PTPRG: variants seen among roughly 807,000 people sequenced by gnomAD.
PTPRG encodes protein tyrosine phosphatase receptor type G.
A neutral mutation model predicts 165.3 loss-of-function variants in PTPRG; 102 were observed. That is an observed-to-expected ratio of 0.62 (90% CI 0.53 to 0.73). PTPRG has a LOEUF of 0.73. PTPRG is among the 30% of genes least tolerant of loss of function. The pLI is 0.00. For synonymous variants in PTPRG, 675 were observed against 669.5 expected (o/e 1.01, Z -0.13); for missense variants, 1,866 against 1,861.4 (o/e 1.00, Z -0.05).
At chr3:61,873,148 A>G (rs2037628662) in intron 2 of PTPRG, among the ~76,000 whole-genome samples, 1 of 152,118 alleles carries the variant, frequency 6.6e-6, no homozygotes, top group African/African-American at 2.4e-5. Flanking sequence ...TTTCATTTGT[A>G]ATTTAGAGAA....
Position 61,598,911 on chromosome 3 carries a change from T to TC in PTPRG, c.85+36541dup, listed in dbSNP as rs1345195832. 3.9e-5 allele frequency among the ~76,000 whole-genome samples: 6 copies of TC among 152,266 alleles called. 1 individual carries two copies. In the South Asian group the frequency reaches 6.2e-4, roughly 16 times the overall value. ...TTCTCCCTGGCTGTGTGTGTCTGTG[T>TC]CCAAGTTTCTCCTTGCTGTAAGGAT... On this transcript the variant is annotated intron_variant, in intron 1 of 29. Coordinates refer to ENST00000474889, the MANE Select transcript of PTPRG (RefSeq NM_002841.4).
intron 4 of PTPRG, among the ~76,000 whole-genome samples, chr3:62,005,077 T>C (rs1345530095): frequency 3.9e-5 from 6 of 152,200 alleles, no homozygotes; most frequent in African/African-American, 9.6e-5. Flanking sequence ...TATTTGTTTC[T>C]TATCCACTGT....
rs532562824 is a variant in PTPRG at position 62,195,311 on chromosome 3, G to T, written c.1327+141G>T. On this transcript the variant is annotated intron_variant, in intron 10 of 29. Coordinates refer to ENST00000474889, the MANE Select transcript of PTPRG (RefSeq NM_002841.4). This position sits in a 1 kb window ranked among gnomAD's most constrained non-coding sequence, Gnocchi z 4.4. ...CAGTGTAGGGTTTTAAAGCCTATGC[G>T]GGAAGCCCTAGTAATTTAGGTCTTT... The T allele has an allele frequency of 6.5e-5, 47 of 723,372 alleles. No homozygotes were observed. The South Asian group carries it at 8.2e-4, about 13-fold the overall frequency. 44.8% of individuals were successfully genotyped at this position (723,372 alleles called of 1,614,324 possible). A position where few individuals can be genotyped will look rare whatever the true frequency, so the allele number is the denominator to read the frequency against.
chr3:61,980,144 CAAA>C (rs1251251964), intron 2 of PTPRG, among the ~76,000 whole-genome samples: 2 of 152,140 alleles, frequency 1.3e-5, no homozygotes, highest in Admixed American at 1.3e-4. Context: ...CCCTTCCATA[CAAA>C]GAAAGGAAAT....
At position 61,700,349 on chromosome 3, in the gene PTPRG, C is replaced by T. The variant is rs2030884842; in HGVS notation, c.86-48529C>T. Among the ~76,000 whole-genome samples the T allele has an allele frequency of 1.3e-5, 2 of 152,156 alleles. 1 individual carries two copies. Among genetic ancestry groups the T allele is most frequent in the South Asian group, 4.2e-4 (2 of 4,812 alleles). ...GTAAATAGATTGGGGGATAAAGCTG[C>T]AAATAAGCTGAGAATGTTCCACAGT... On this transcript the variant is annotated intron_variant, in intron 1 of 29. Coordinates refer to ENST00000474889, the MANE Select transcript of PTPRG (RefSeq NM_002841.4).
intron 5 of PTPRG, among the ~76,000 whole-genome samples, chr3:62,091,211 T>C (rs1701916848): frequency 1.3e-5 from 2 of 152,288 alleles, no homozygotes; most frequent in South Asian, 4.2e-4. Flanking sequence ...CCTGGCCTAC[T>C]TGCATGTTGT....
chr3:62,236,312 T>C (rs1023749558), intron 14 of PTPRG, among the ~76,000 whole-genome samples: 6 of 152,254 alleles, frequency 3.9e-5, no homozygotes, highest in Non-Finnish European at 1.5e-5. Flanking sequence ...TTGAAACATT[T>C]TGCCCTAATA....
At chr3:62,283,006 T>C in intron 28 of PTPRG, 137 bp downstream of exon 28, 3 of 745,750 alleles carry the variant, frequency 4.0e-6, no homozygotes, top group Non-Finnish European at 6.5e-6. Flanking sequence ...TTATTTCTAC[T>C]GTGGACATGT....
At chr3:61,743,577 T>G (rs1368506627) in intron 1 of PTPRG, among the ~76,000 whole-genome samples, 1 of 152,200 alleles carries the variant, frequency 6.6e-6, no homozygotes, top group African/African-American at 2.4e-5. Flanking sequence ...TGCAGCAATG[T>G]ACAGCATATA....
At chr3:62,119,404 G>C (rs1702979069) in intron 5 of PTPRG, among the ~76,000 whole-genome samples, 2 of 152,224 alleles carry the variant, frequency 1.3e-5, no homozygotes, top group South Asian at 4.1e-4. Flanking sequence ...GCCCTGCAAA[G>C]AGCTGAGGAA....
In PTPRG at chr3:62,078,212, C is replaced by T; in HGVS notation, c.569C>T (p.Ala190Val). The T allele has an allele frequency of 6.2e-7, 1 of 1,609,262 alleles. No individual in the cohort carries two copies. Among genetic ancestry groups the T allele is most frequent in the Non-Finnish European group, 8.5e-7 (1 of 1,177,598 alleles). The change falls in exon 5 of 30, where the codon GCA becomes GTA. Residue 190 changes from alanine to valine, a missense_variant. Ala to Val is a moderately conservative substitution (Grantham distance 64, BLOSUM62 0). This residue lies in a region of PTPRG where 408 missense variants were observed against 376.2 expected (regional missense o/e 1.08). Coordinates refer to ENST00000474889, the MANE Select transcript of PTPRG (RefSeq NM_002841.4). ...NPDDFDSFQT[A>V]ISENRIIGAM... ...GATGACTTTGACAGCTTTCAAACCG[C>T]AATTTCTGAGAACAGAATAATCGGA...
intron 2 of PTPRG, among the ~76,000 whole-genome samples, chr3:61,893,626 T>C (rs1411443159): frequency 6.6e-6 from 1 of 152,200 alleles, no homozygotes; most frequent in Non-Finnish European, 1.5e-5. Context: ...TTTCATCTAA[T>C]GAGGTATGTT....
Position 61,669,179 on chromosome 3 carries a change from A to G in PTPRG, c.86-79699A>G, listed in dbSNP as rs535596720. Among the ~76,000 whole-genome samples the G allele has an allele frequency of 7.2e-5, 11 of 152,236 alleles. No individual in the cohort carries two copies. In the South Asian group the frequency reaches 1.4e-3, roughly 20 times the overall value. ...TTTTTGCTTGAGAGTGGACTAAGGT[A>G]GTGTAGTTAAATAAAAAGTATGAGC... On this transcript the variant is annotated intron_variant, in intron 1 of 29. Transcript: ENST00000474889.
At chr3:61,897,469 C>A (rs528451935) in intron 2 of PTPRG, among the ~76,000 whole-genome samples, 1 of 152,170 alleles carries the variant, frequency 6.6e-6, no homozygotes, top group South Asian at 2.1e-4. Context: ...CCACCAATAT[C>A]ACACTGTCGT....
At position 61,673,407 on chromosome 3, in the gene PTPRG, A is replaced by T. The variant is rs918391318; in HGVS notation, c.86-75471A>T. On this transcript the variant is annotated intron_variant, in intron 1 of 29. Transcript: ENST00000474889. ...TAAAACACCAGCTCAAGACTTTACAAAGTGGGGCTCTCATTGAGGTAGTTC... is the reference window on the plus strand; with the variant it reads ...TAAAACACCAGCTCAAGACTTTACATAGTGGGGCTCTCATTGAGGTAGTTC... 1.3e-5 allele frequency among the ~76,000 whole-genome samples: 2 copies of T among 152,290 alleles called. 1 individual carries two copies. The highest frequency in any genetic ancestry group is 4.2e-4 in the South Asian group (2 of 4,818).
chr3:62,097,852 G>A (rs1044144304), intron 5 of PTPRG, among the ~76,000 whole-genome samples: 3 of 152,102 alleles, frequency 2.0e-5, no homozygotes, highest in African/African-American at 7.2e-5. Context: ...TTTAGAAGAG[G>A]AAGCATTTGA....
intron 6 of PTPRG, among the ~76,000 whole-genome samples, chr3:62,156,610 C>T (rs1472772236): frequency 6.6e-6 from 1 of 152,138 alleles, no homozygotes; most frequent in Non-Finnish European, 1.5e-5. Flanking sequence ...CACAGTGATT[C>T]TCTCATTGTG....
At chr3:61,790,243 T>G (rs796226466) in intron 2 of PTPRG, among the ~76,000 whole-genome samples, 8 of 152,326 alleles carry the variant, frequency 5.3e-5, no homozygotes, top group African/African-American at 1.9e-4. Context: ...CTTTGTCCCC[T>G]AATGTTGCTG....
At chr3:62,107,304 T>G (rs1702506549) in intron 5 of PTPRG, among the ~76,000 whole-genome samples, 1 of 152,244 alleles carries the variant, frequency 6.6e-6, no homozygotes, top group African/African-American at 2.4e-5. Flanking sequence ...ATTAGTCACC[T>G]CCTAATTTGA....
Sources: gnomAD v4.1 joint callset for allele counts (sites outside exome capture counted in the v4.1 genomes callset) on GRCh38, gnomAD v4.1.1 for gene constraint, gnomAD v4.1.1 regional missense constraint, Gnocchi (gnomAD v3.1) non-coding constraint, MANE v1.5 for transcripts, NCBI Gene and HGNC (gene_info 2026-07-23, HGNC 2026-07-21) for gene names.